The following USP34 variants were observed in gnomAD, a reference collection of about 807,000 sequenced individuals.
USP34 encodes the protein ubiquitin carboxyl-terminal hydrolase 34.
A neutral mutation model predicts 460.3 loss-of-function variants in USP34; 70 were observed. The observed-to-expected ratio is 0.15, with a 90% CI of 0.13 to 0.19. The LOEUF (loss-of-function observed/expected upper bound fraction) is 0.19, where lower values mean the gene tolerates loss of function less well. USP34 is among the 10% of genes least tolerant of loss of function. The pLI is 1.00. For synonymous variants in USP34, 1,647 were observed against 1,405.3 expected, an observed-to-expected ratio of 1.17 and a Z score of -3.85; for missense variants, 3,985 against 4,236.2, an observed-to-expected ratio of 0.94 and a Z score of 1.65.
chr2:61,273,035 G>A (rs1689262881), intron 41 of USP34, among the ~76,000 whole-genome samples: 1 of 152,106 alleles, frequency 6.6e-6, no homozygotes. Flanking sequence ...CAGATGGCCT[G>A]CAACAACTGT....
chr2:61,426,463 C>G (rs1694513884), intron 1 of USP34, among the ~76,000 whole-genome samples: 1 of 152,118 alleles, frequency 6.6e-6, no homozygotes, highest in Non-Finnish European at 1.5e-5. Context: ...CTGGCAGTAC[C>G]CCTTGTGGCC....
At chr2:61,309,325 CAA>C (rs2103666066) in intron 27 of USP34, among the ~76,000 whole-genome samples, 1 of 152,212 alleles carries the variant, frequency 6.6e-6, no homozygotes, top group South Asian at 2.1e-4. Context: ...AACACACACA[CAA>C]AGACAACCAA....
In USP34 at chr2:61,471,022, C is replaced by A. The variant is rs1372353302; in HGVS notation, c.-330G>T. Among the ~76,000 whole-genome samples, 1 of 151,112 alleles carries A rather than the reference C, an allele frequency of 6.6e-6. No homozygotes were observed. Among genetic ancestry groups the A allele is most frequent in the Non-Finnish European group, 1.5e-5 (1 of 67,464 alleles). ...GGTGGGGAGAGAAGCAGCAGAGTCA[C>A]TTCACCGACCAGACGCCGCGGCCAC... On this transcript the variant is annotated 5_prime_UTR_variant, in exon 1 of 80. Coordinates refer to ENST00000398571, the MANE Select transcript of USP34 (RefSeq NM_014709.4).
intron 41 of USP34, among the ~76,000 whole-genome samples, chr2:61,275,552 GT>G (rs1689348245): frequency 1.3e-5 from 2 of 151,988 alleles, no homozygotes; most frequent in African/African-American, 4.8e-5. Context: ...TGATCTAGTA[GT>G]TCAAGGCTGC....
chr2:61,394,826 T>C (rs759695110), intron 5 of USP34, 27 bp downstream of exon 5: 6 of 1,479,768 alleles, frequency 4.1e-6, no homozygotes, highest in Non-Finnish European at 5.4e-6. Context: ...GCTCCCAAAA[T>C]TAAGATCAAT....
At position 61,303,697 on chromosome 2, in the gene USP34, C is replaced by T. The variant is rs563430351; in HGVS notation, c.3818-2243G>A. 4.1e-4 allele frequency among the ~76,000 whole-genome samples: 61 copies of T among 148,812 alleles called. 1 individual carries two copies. Among genetic ancestry groups the T allele is most frequent in the African/African-American group, 1.5e-3 (61 of 40,308 alleles). On this transcript the variant is annotated intron_variant, in intron 27 of 79. Transcript: ENST00000398571. ...CTGCAAGCTCCGCCTCCTGGGTTCA[C>T]GCCATTCTCCTGCCTCAGCCTCCCA...
chr2:61,373,036 T>C (rs1247266564), intron 8 of USP34, among the ~76,000 whole-genome samples: 1 of 152,168 alleles, frequency 6.6e-6, no homozygotes, highest in African/African-American at 2.4e-5. Context: ...GATTAATAGC[T>C]AACTTCTTAT....
chr2:61,419,133 C>T (rs1047928095), intron 2 of USP34, among the ~76,000 whole-genome samples: 3 of 152,070 alleles, frequency 2.0e-5, no homozygotes, highest in African/African-American at 4.8e-5. Flanking sequence ...CATCATCACT[C>T]GTTCACAGGT....
intron 3 of USP34, among the ~76,000 whole-genome samples, chr2:61,403,202 A>G (rs1259735556): frequency 6.6e-6 from 1 of 152,184 alleles, no homozygotes; most frequent in Admixed American, 6.5e-5. Context: ...CTCACGAATA[A>G]TAATAACAAA....
intron 10 of USP34, among the ~76,000 whole-genome samples, chr2:61,360,013 G>A (rs908599829): frequency 1.3e-5 from 2 of 151,882 alleles, no homozygotes; most frequent in African/African-American, 4.8e-5. Context: ...TTGAACTCCT[G>A]ACCTCACGAT....
At chr2:61,449,152 T>TGGAGGGACG (rs70963431) in intron 1 of USP34, among the ~76,000 whole-genome samples, 2 of 150,294 alleles carry the variant, frequency 1.3e-5, no homozygotes, top group African/African-American at 4.9e-5. Context: ...AAGGAGGGAA[T>TGGAGGGACG]GGAGGGACGG....
intron 15 of USP34, among the ~76,000 whole-genome samples, chr2:61,347,443 A>C (rs1471095630): frequency 6.6e-6 from 1 of 151,992 alleles, no homozygotes; most frequent in Non-Finnish European, 1.5e-5. Flanking sequence ...GTGTGATCTC[A>C]GCTCACTGCA....
intron 1 of USP34, among the ~76,000 whole-genome samples, chr2:61,447,039 G>C (rs1158057597): frequency 1.3e-5 from 2 of 152,064 alleles, no homozygotes; most frequent in Admixed American, 1.3e-4. Context: ...CAGATCACCT[G>C]AGGTCAGGAG....
Position 61,370,372 on chromosome 2 carries a change from T to C in USP34, c.1200A>G (p.Ala400=), listed in dbSNP as rs1692582845. ...QCQVILNFLA[A]EGRLSTQHID... Reference sequence around the variant, plus strand: ...TATGTTGAGTACTCAGTCGCCCTTCTGCTGCCAAAAAATTCAAAATCACTT... The same window carrying C: ...TATGTTGAGTACTCAGTCGCCCTTCCGCTGCCAAAAAATTCAAAATCACTT... Residue 400 remains alanine, a synonymous_variant, in exon 10 of 80, where the codon GCA becomes GCG. Coordinates refer to ENST00000398571, the MANE Select transcript of USP34 (RefSeq NM_014709.4). 1 of 1,614,036 alleles carries C rather than the reference T, an allele frequency of 6.2e-7. No individual in the cohort carries two copies. Among genetic ancestry groups the C allele is most frequent in the African/African-American group, 1.3e-5 (1 of 74,950 alleles).
chr2:61,240,636 T>C (rs561618014), intron 53 of USP34, among the ~76,000 whole-genome samples: 56 of 150,520 alleles, frequency 3.7e-4, no homozygotes, highest in Non-Finnish European at 6.9e-4. Context: ...TACAGTGGTG[T>C]GATCTCGGTT....
intron 18 of USP34, among the ~76,000 whole-genome samples, chr2:61,338,539 C>T (rs1691495983): frequency 6.6e-6 from 1 of 152,074 alleles, no homozygotes; most frequent in African/African-American, 2.4e-5. Flanking sequence ...TAAAATTAGA[C>T]AATCATAGCA....
chr2:61,201,318 C>A (rs1365629386), intron 75 of USP34, among the ~76,000 whole-genome samples: 1 of 149,344 alleles, frequency 6.7e-6, no homozygotes, highest in African/African-American at 2.5e-5. Flanking sequence ...CAGGTTCAAG[C>A]AATTCTCTGG....
chr2:61,321,904 G>A (rs1278617297), intron 21 of USP34, among the ~76,000 whole-genome samples: 1 of 152,134 alleles, frequency 6.6e-6, no homozygotes, highest in African/African-American at 2.4e-5. Context: ...GTATATAGGA[G>A]ATAAATAAGT....
chr2:61,331,315 T>C lies in USP34; in HGVS notation c.2891A>G (p.Tyr964Cys), dbSNP rs1220844660. The C allele has an allele frequency of 6.2e-7, 1 of 1,612,678 alleles. No individual in the cohort carries two copies. Residue 964 changes from tyrosine to cysteine, a missense_variant, in exon 20 of 80, where the codon TAC (tyrosine) becomes TGC (cysteine). By Grantham distance (194) the Tyr-to-Cys change is radical (BLOSUM62 -2). This residue lies in a region of USP34 where 1,114 missense variants were observed against 1,122.5 expected (regional missense o/e 0.99). Coordinates refer to ENST00000398571, the MANE Select transcript of USP34 (RefSeq NM_014709.4). ...MKLFFDNLVY[Y>C]IQTVREGRQK... ...TCTTCCTTCTCTCACAGTTTGAATG[T>C]AGTATACCAAATTATCAAAGAAAAG...
Sources: gnomAD v4.1 joint callset for allele counts (sites outside exome capture counted in the v4.1 genomes callset) on GRCh38, gnomAD v4.1.1 for gene constraint, gnomAD v4.1.1 regional missense constraint, MANE v1.5 for transcripts, NCBI Gene and HGNC (gene_info 2026-07-23, HGNC 2026-07-21) for gene names.